The following MYO10 variants were observed in gnomAD, a reference collection of about 807,000 sequenced individuals.
MYO10 encodes unconventional myosin-X.
MYO10 carries 133 observed loss-of-function variants against 257.3 expected under a neutral mutation model. The ratio of observed to expected loss-of-function variants is 0.52; its 90% CI spans 0.45 to 0.60. The LOEUF (loss-of-function observed/expected upper bound fraction) is 0.60. Among genes scored for constraint, MYO10 ranks in the 20% least tolerant of loss-of-function variants. The pLI is 0.00. For missense variants in MYO10, 2,399 were observed against 2,635.7 expected, an observed-to-expected ratio of 0.91 and a Z score of 1.97; for synonymous variants, 1,104 against 1,028.6, an observed-to-expected ratio of 1.07 and a Z score of -1.40.
intron 3 of MYO10, among the ~76,000 whole-genome samples, chr5:16,799,258 G>C (rs1742051679): frequency 7.2e-6 from 1 of 138,850 alleles, no homozygotes; most frequent in African/African-American, 2.6e-5. Flanking sequence ...TTTGAATGAA[G>C]GTAGAAGACA....
At chr5:16,676,809 G>C (rs903918268) in intron 33 of MYO10, among the ~76,000 whole-genome samples, 1 of 152,304 alleles carries the variant, frequency 6.6e-6, no homozygotes, top group South Asian at 2.1e-4. Context: ...TTTGAGACCA[G>C]CCTGGGCAAC....
At chr5:16,782,510 A>C (rs182819515) in intron 5 of MYO10, among the ~76,000 whole-genome samples, 1 of 152,364 alleles carries the variant, frequency 6.6e-6, no homozygotes, top group East Asian at 1.9e-4. Context: ...ACATGAATGT[A>C]CTTAATGCCA....
chr5:16,845,841 G>A (rs1044295556), intron 2 of MYO10, among the ~76,000 whole-genome samples: 7 of 151,994 alleles, frequency 4.6e-5, no homozygotes, highest in African/African-American at 1.7e-4. Context: ...GCACGCACCT[G>A]TAGTCCCAGC....
intron 1 of MYO10, among the ~76,000 whole-genome samples, chr5:16,913,659 G>A (rs1017217396): frequency 6.6e-5 from 10 of 152,186 alleles, no homozygotes; most frequent in Admixed American, 1.3e-4. Flanking sequence ...CAAAGCAAGC[G>A]TAGGTGTGCA....
At chr5:16,735,722 T>G (rs1386907878) in intron 19 of MYO10, among the ~76,000 whole-genome samples, 1 of 149,646 alleles carries the variant, frequency 6.7e-6, no homozygotes, top group African/African-American at 2.5e-5. Flanking sequence ...CAGAAAATGC[T>G]ATTATGACAC....
intron 19 of MYO10, among the ~76,000 whole-genome samples, chr5:16,741,440 T>C (rs983656920): frequency 6.6e-6 from 1 of 152,212 alleles, no homozygotes; most frequent in African/African-American, 2.4e-5. Context: ...GACTGCAGTG[T>C]ATAAACTCTT....
At chr5:16,911,156 A>C (rs930121267) in intron 1 of MYO10, among the ~76,000 whole-genome samples, 1 of 152,130 alleles carries the variant, frequency 6.6e-6, no homozygotes, top group African/African-American at 2.4e-5. Flanking sequence ...ATTTAACTTA[A>C]TTTAAAAAGA....
chr5:16,703,905 AAG>A lies in MYO10; in HGVS notation c.2276+672_2276+673del, dbSNP rs1738208452. On this transcript the variant is annotated intron_variant, in intron 22 of 40. Transcript: ENST00000513610. ...CAAAAAAAAAAAAAAAAAAAAAAAA[AAG>A]AAGTCACCTCATTCCTCAAACAGCT... Among the ~76,000 whole-genome samples, 4 of 138,998 alleles carry A rather than the reference AAG, an allele frequency of 2.9e-5. No homozygotes were observed. In the Admixed American group the frequency reaches 2.9e-4, roughly 10 times the overall value. The allele number at this position is 138,998 out of a possible 152,430, so 91.2% of individuals were successfully genotyped here.
At chr5:16,796,456 G>GA (rs1420563839) in intron 3 of MYO10, among the ~76,000 whole-genome samples, 1 of 95,150 alleles carries the variant, frequency 1.1e-5, no homozygotes, top group African/African-American at 3.8e-5. Flanking sequence ...AAGAAAGAAA[G>GA]AAAGAAAGAA....
chr5:16,711,271 G>C (rs1360734391), intron 19 of MYO10, 26 bp from the exon 20 acceptor site: 2 of 1,593,272 alleles, frequency 1.3e-6, no homozygotes, highest in Admixed American at 3.5e-5. Context: ...AAAAAAGATG[G>C]GATACCATTA....
chr5:16,762,152 C>T (rs1427892287), intron 15 of MYO10, 39 bp from the exon 16 acceptor site: 6 of 1,278,462 alleles, frequency 4.7e-6, no homozygotes, highest in Admixed American at 3.5e-5. Context: ...AAATACAATG[C>T]CTTATTTCAC....
chr5:16,758,655 G>A lies in MYO10; in HGVS notation c.1740-429C>T, dbSNP rs901750235. On this transcript the variant is annotated intron_variant, in intron 17 of 40. Transcript: ENST00000513610. Reference sequence around the variant, plus strand: ...ACACTAATTACAGGGTGAGGCAGGCGATGGTTCAAATCCTGTCTCCCCACT... The same window carrying A: ...ACACTAATTACAGGGTGAGGCAGGCAATGGTTCAAATCCTGTCTCCCCACT... Among the ~76,000 whole-genome samples, 7 of 152,296 alleles carry A rather than the reference G, an allele frequency of 4.6e-5. No homozygotes were observed. In the South Asian group the frequency reaches 8.3e-4, roughly 18 times the overall value.
chr5:16,782,920 C>G (rs925656144), intron 5 of MYO10, among the ~76,000 whole-genome samples: 1 of 152,210 alleles, frequency 6.6e-6, no homozygotes, highest in East Asian at 1.9e-4. Flanking sequence ...CTCGTCTCCA[C>G]GCTAAGCCCC....
At position 16,769,071 on chromosome 5, in the gene MYO10, T is replaced by C. The variant is rs1467663813; in HGVS notation, c.1060+3A>G. ...CGAGGAGGGCAGGCAGGCATAATCT[T>C]ACCTGTTTTGAAGGAAACCTGTGCC... On this transcript the variant is annotated splice_donor_region_variant and intron_variant, in intron 10 of 40. Transcript: ENST00000513610. 9.3e-6 allele frequency: 15 copies of C among 1,607,884 alleles called. No homozygotes were observed. The highest frequency in any genetic ancestry group is 1.3e-5 in the Non-Finnish European group (15 of 1,177,940).
At chr5:16,740,178 A>G (rs781344155) in intron 19 of MYO10, among the ~76,000 whole-genome samples, 8 of 152,056 alleles carry the variant, frequency 5.3e-5, no homozygotes, top group Non-Finnish European at 1.0e-4. Flanking sequence ...CCTTTGCTCC[A>G]GAGTCTTCTG....
At chr5:16,805,047 CATGTGTA>C (rs1742231084) in intron 3 of MYO10, among the ~76,000 whole-genome samples, 1 of 152,248 alleles carries the variant, frequency 6.6e-6, no homozygotes, top group East Asian at 1.9e-4. Flanking sequence ...GTATAGGCTA[CATGTGTA>C]AGAGGTTCAC....
chr5:16,846,443 C>T (rs1039399971), intron 2 of MYO10, among the ~76,000 whole-genome samples: 2 of 152,166 alleles, frequency 1.3e-5, no homozygotes, highest in East Asian at 1.9e-4. Flanking sequence ...CACCTGGGCC[C>T]GCAAAGTCTA....
chr5:16,880,605 T>C (rs1408650729), intron 1 of MYO10, among the ~76,000 whole-genome samples: 1 of 152,194 alleles, frequency 6.6e-6, no homozygotes, highest in Non-Finnish European at 1.5e-5. Context: ...AAATGAATAT[T>C]AAGTGCTCCT....
intron 1 of MYO10, chr5:16,902,212 A>ATTT: frequency 2.6e-5 from 15 of 576,710 alleles, no homozygotes; most frequent in Admixed American, 1.4e-4. Flanking sequence ...GGCCCGGCTA[A>ATTT]TTTTTTTTTT....
Sources: gnomAD v4.1 joint callset for allele counts (sites outside exome capture counted in the v4.1 genomes callset) on GRCh38, gnomAD v4.1.1 for gene constraint, MANE v1.5 for transcripts, NCBI Gene and HGNC (gene_info 2026-07-23, HGNC 2026-07-21) for gene names.